Variants in COL9A3 observed in about 807,000 individuals in gnomAD.
The protein encoded by COL9A3 is collagen alpha-3(IX) chain.
In COL9A3, 82 loss-of-function variants were observed where a neutral mutation model predicts 110.2. The observed-to-expected ratio is 0.74, with a 90% CI of 0.62 to 0.89. The LOEUF (loss-of-function observed/expected upper bound fraction) is 0.89, where lower values mean the gene tolerates loss of function less well. Among genes scored for constraint, COL9A3 ranks in the 40% least tolerant of loss-of-function variants. COL9A3 has a pLI of 0.00. For missense variants in COL9A3, 1,066 were observed against 981.3 expected (o/e 1.09, Z -1.15); for synonymous variants, 494 against 403.8 (o/e 1.22, Z -2.68).
At chr20:62,818,131 G>T (rs1307608406) in intron 2 of COL9A3, among the ~76,000 whole-genome samples, 1 of 151,008 alleles carries the variant, frequency 6.6e-6, no homozygotes, top group Non-Finnish European at 1.5e-5. Context: ...GCCTCCCTCG[G>T]AGGGACCGTC....
At chr20:62,839,481 G>A (rs907500123) in intron 31 of COL9A3, among the ~76,000 whole-genome samples, 3 of 152,192 alleles carry the variant, frequency 2.0e-5, no homozygotes, top group African/African-American at 7.2e-5. Context: ...TCTTAGCCTG[G>A]TGCCTTCTCA....
chr20:62,834,698 G>A (rs537886224), intron 26 of COL9A3, among the ~76,000 whole-genome samples: 89 of 151,956 alleles, frequency 5.9e-4, no homozygotes, highest in African/African-American at 1.9e-3. Context: ...GCTGGAGTGC[G>A]GTGGTGTGAT....
In COL9A3 at chr20:62,822,748, C is replaced by T. The variant is rs2063521560; in HGVS notation, c.519+116C>T. The T allele has an allele frequency of 5.2e-6, 6 of 1,148,552 alleles. No individual in the cohort carries two copies. The East Asian group carries it at 1.4e-4, about 27-fold the overall frequency. The allele number at this position is 1,148,552 out of a possible 1,614,324, so 71.1% of individuals were successfully genotyped here. A position where few individuals can be genotyped will look rare whatever the true frequency, so the allele number is the denominator to read the frequency against. On this transcript the variant is annotated intron_variant, in intron 10 of 31. Transcript: ENST00000649368. Reference sequence around the variant, plus strand: ...GCAAGAAGGCAGGGCCCGAGCCCTCCCTGGGGACAGGAGCTCAGAGCAGAC... The same window carrying T: ...GCAAGAAGGCAGGGCCCGAGCCCTCTCTGGGGACAGGAGCTCAGAGCAGAC...
intron 29 of COL9A3, chr20:62,836,860 G>A: frequency 2.9e-6 from 2 of 689,950 alleles, no homozygotes. Context: ...ACCCCCAAGG[G>A]CACTTCCTTC....
chr20:62,832,400 C>T (rs1230507664), intron 25 of COL9A3, among the ~76,000 whole-genome samples: 3 of 152,278 alleles, frequency 2.0e-5, no homozygotes, highest in South Asian at 2.1e-4. Flanking sequence ...CCCCCAGGCA[C>T]GCCCCGGCAT....
intron 26 of COL9A3, 41 bp from the exon 27 acceptor site, chr20:62,835,880 A>G: frequency 1.7e-5 from 28 of 1,613,270 alleles, no homozygotes; most frequent in Non-Finnish European, 2.4e-5. Context: ...CACCCACCCA[A>G]CAATACACTT....
At chr20:62,837,334 G>A (rs569091373) in intron 30 of COL9A3, 69 bp downstream of exon 30, 57 of 1,499,924 alleles carry the variant, frequency 3.8e-5, no homozygotes, top group Admixed American at 1.7e-4. Context: ...GTTAGTAGGC[G>A]CTGCTTCTGG....
At chr20:62,831,938 T>C (rs752591308) in intron 24 of COL9A3, 59 of 626,300 alleles carry the variant, frequency 9.4e-5, no homozygotes, top group Non-Finnish European at 7.9e-5. Context: ...GGGACTTCAC[T>C]ACCCACAAGG....
intron 26 of COL9A3, among the ~76,000 whole-genome samples, chr20:62,834,201 G>A (rs1243555281): frequency 6.6e-6 from 1 of 152,084 alleles, no homozygotes; most frequent in Non-Finnish European, 1.5e-5. Context: ...GTAGAGACGG[G>A]GTTTCACCAT....
intron 9 of COL9A3, 62 bp downstream of exon 9, chr20:62,822,226 C>G (rs1184534731): frequency 4.4e-6 from 4 of 908,566 alleles, no homozygotes; most frequent in African/African-American, 1.6e-5. Context: ...GGGTTGGACC[C>G]TCCCCATTCC....
chr20:62,826,285 C>T (rs371066016), intron 14 of COL9A3, 28 bp downstream of exon 14: 38 of 1,543,018 alleles, frequency 2.5e-5, no homozygotes, highest in Middle Eastern at 1.8e-4. Context: ...TAGTGGGGGC[C>T]GGCCAGGTGG....
intron 20 of COL9A3, 54 bp downstream of exon 20, chr20:62,829,553 C>T: frequency 6.6e-7 from 1 of 1,507,494 alleles, no homozygotes; most frequent in Non-Finnish European, 9.2e-7. Context: ...GGCCGGGAGG[C>T]AAGGGGCTGG....
intron 26 of COL9A3, among the ~76,000 whole-genome samples, chr20:62,834,275 G>C (rs1048831594): frequency 2.6e-5 from 4 of 152,254 alleles, no homozygotes; most frequent in African/African-American, 9.6e-5. Flanking sequence ...CTCCCAAAGT[G>C]CTGGGATTAC....
intron 27 of COL9A3, 51 bp from the exon 28 acceptor site, chr20:62,836,136 C>T (rs1265707262): frequency 1.9e-6 from 3 of 1,602,408 alleles, no homozygotes; most frequent in Non-Finnish European, 2.6e-6. Flanking sequence ...GTCGGGGTGG[C>T]TCTGGGCTCC....
At chr20:62,828,007 C>A in intron 17 of COL9A3, 31 bp downstream of exon 17, 1 of 1,611,826 alleles carries the variant, frequency 6.2e-7, no homozygotes, top group Non-Finnish European at 8.5e-7. Context: ...ATGGAATGCT[C>A]CTCCCCCGGG....
In COL9A3 at chr20:62,838,741, A is replaced by G. The variant is rs2063653596; in HGVS notation, c.1844A>G (p.Glu615Gly). 1 of 1,551,978 alleles carries G rather than the reference A, an allele frequency of 6.4e-7. No individual in the cohort carries two copies. Among genetic ancestry groups the G allele is most frequent in the South Asian group, 1.2e-5 (1 of 84,082 alleles). Reference protein sequence around the residue: ...GAAGAGLDGPEGDQGPQGPQG... With the variant: ...GAAGAGLDGPGGDQGPQGPQG... The stretch of plus-strand genomic sequence containing the variant: ...GCAGGAGCAGGGCTGGACGGGCCTG[A>G]AGGAGACCAGGGGCCCCAAGGTACG... The change falls in exon 31 of 32, where the codon GAA (glutamate) becomes GGA (glycine). Residue 615 changes from glutamate to glycine, a missense_variant. Physicochemically the swap from Glu to Gly is moderately conservative, Grantham distance 98. Transcript: ENST00000649368.
intron 24 of COL9A3, chr20:62,831,733 T>C (rs893182933): frequency 6.2e-5 from 16 of 257,330 alleles, no homozygotes; most frequent in South Asian, 2.4e-4. Context: ...TTCTCACTTA[T>C]GTGGCCATGT....
chr20:62,836,106 T>G (rs1370545382), intron 27 of COL9A3, 81 bp from the exon 28 acceptor site: 1 of 1,604,628 alleles, frequency 6.2e-7, no homozygotes, highest in East Asian at 2.2e-5. Flanking sequence ...GACGGCTCCG[T>G]GCCGGCTGGG....
At chr20:62,839,162 T>C (rs1600813566) in intron 31 of COL9A3, among the ~76,000 whole-genome samples, 1 of 151,796 alleles carries the variant, frequency 6.6e-6, no homozygotes, top group South Asian at 2.1e-4. Context: ...GAGGCGGAGG[T>C]TGCAGGTTGC....
Sources: gnomAD v4.1 joint callset for allele counts (sites outside exome capture counted in the v4.1 genomes callset) on GRCh38, gnomAD v4.1.1 for gene constraint, MANE v1.5 for transcripts, NCBI Gene and HGNC (gene_info 2026-07-23, HGNC 2026-07-21) for gene names.